Variants in PPP3CA observed in about 807,000 individuals in gnomAD.
The protein encoded by PPP3CA is protein phosphatase 3 catalytic subunit alpha.
In PPP3CA, 14 loss-of-function variants were observed where a neutral mutation model predicts 66.5. The observed-to-expected ratio is 0.21, with a 90% CI of 0.14 to 0.33. PPP3CA has a LOEUF of 0.33. Among genes scored for constraint, PPP3CA ranks in the 10% least tolerant of loss-of-function variants. The pLI is 1.00. For synonymous variants in PPP3CA, 232 were observed against 226.2 expected (o/e 1.03, Z -0.23); for missense variants, 317 against 639.5 (o/e 0.50, Z 5.44).
At chr4:101,342,356 C>T (rs1729843916) in intron 1 of PPP3CA, among the ~76,000 whole-genome samples, 1 of 152,086 alleles carries the variant, frequency 6.6e-6, no homozygotes, top group Admixed American at 6.5e-5. Flanking sequence ...TCAATTGTTG[C>T]ATTAATCATT....
chr4:101,301,780 C>T (rs1391026652), intron 1 of PPP3CA, among the ~76,000 whole-genome samples: 1 of 148,874 alleles, frequency 6.7e-6, no homozygotes, highest in Admixed American at 6.7e-5. Context: ...TGTGAACCAC[C>T]GCGTCCAGCT....
At chr4:101,180,436 A>C (rs1724198385) in intron 2 of PPP3CA, among the ~76,000 whole-genome samples, 1 of 152,156 alleles carries the variant, frequency 6.6e-6, no homozygotes, top group Non-Finnish European at 1.5e-5. Context: ...CTCTCCTTGC[A>C]GGCCATTTTT....
In PPP3CA at chr4:101,347,519, C is replaced by T. The variant is rs1175096188; in HGVS notation, c.-723G>A. The T allele has an allele frequency of 3.0e-5, 5 of 165,974 alleles. No homozygotes were observed. The highest frequency in any genetic ancestry group is 9.7e-5 in the African/African-American group (4 of 41,114). 10.3% of individuals were successfully genotyped at this position (165,974 alleles called of 1,614,324 possible). The stretch of plus-strand genomic sequence containing the variant: ...CGAGCTCGGCAGACACAGTCCCGGG[C>T]ACAACCTACCCCCCTCCGCCGCCGC... On this transcript the variant is annotated 5_prime_UTR_variant, in exon 1 of 14. Transcript: ENST00000394854.
At chr4:101,249,162 G>T (rs1029189644) in intron 1 of PPP3CA, among the ~76,000 whole-genome samples, 1 of 53,180 alleles carries the variant, frequency 1.9e-5, no homozygotes, top group Non-Finnish European at 3.4e-5. Flanking sequence ...GCGAGACTCT[G>T]TCTCAAAAAA....
intron 1 of PPP3CA, among the ~76,000 whole-genome samples, chr4:101,257,806 T>G (rs2850965): frequency 0.084 from 12,764 of 152,182 alleles, 727 homozygotes; most frequent in East Asian, 0.16. Flanking sequence ...TAGGATATAC[T>G]CAGGAACATT....
At chr4:101,222,820 C>G (rs1235163408) in intron 1 of PPP3CA, among the ~76,000 whole-genome samples, 1 of 151,532 alleles carries the variant, frequency 6.6e-6, no homozygotes, top group Non-Finnish European at 1.5e-5. Context: ...CATTTTTGCT[C>G]CAGTATATCT....
chr4:101,344,237 A>G (rs936715472), intron 1 of PPP3CA, among the ~76,000 whole-genome samples: 1 of 152,234 alleles, frequency 6.6e-6, no homozygotes, highest in African/African-American at 2.4e-5. Flanking sequence ...GCATACGCGT[A>G]CTTTCCATTC....
At chr4:101,336,398 C>A (rs1285582726) in intron 1 of PPP3CA, among the ~76,000 whole-genome samples, 2 of 151,334 alleles carry the variant, frequency 1.3e-5, no homozygotes, top group African/African-American at 4.9e-5. Flanking sequence ...TAGTGAAACC[C>A]ATCTCTACTA....
chr4:101,050,404 T>C (rs1373859294), intron 10 of PPP3CA, among the ~76,000 whole-genome samples: 1 of 152,114 alleles, frequency 6.6e-6, no homozygotes, highest in Non-Finnish European at 1.5e-5. Context: ...GTAAAGAACT[T>C]GTGCCTAGAA....
chr4:101,068,992 T>C (rs1467207497), intron 8 of PPP3CA, among the ~76,000 whole-genome samples: 2 of 152,144 alleles, frequency 1.3e-5, no homozygotes, highest in African/African-American at 2.4e-5. Context: ...GTACCTAATA[T>C]AGGGTCTTTC....
At chr4:101,148,166 T>C (rs1267880023) in intron 2 of PPP3CA, among the ~76,000 whole-genome samples, 2 of 152,160 alleles carry the variant, frequency 1.3e-5, no homozygotes, top group African/African-American at 2.4e-5. Flanking sequence ...AATCTGGTCT[T>C]ACTGAATTAA....
Position 101,040,526 on chromosome 4 carries a change from C to T in PPP3CA, c.1197G>A (p.Lys399=). The T allele has an allele frequency of 6.2e-7, 1 of 1,613,632 alleles. No homozygotes were observed. The highest frequency in any genetic ancestry group is 8.5e-7 in the Non-Finnish European group (1 of 1,179,864). ...AAARKEVIRN[K]IRAIGKMARV... is the part of the protein sequence containing the mutation. ...TGGCCATTTTGCCTATTGCTCGGAT[C>T]TTGTTCCTTATCACCTCTTTCCGGG... Residue 399 remains lysine, a synonymous_variant, in exon 11 of 14, where the codon AAG becomes AAA. Coordinates refer to ENST00000394854, the MANE Select transcript of PPP3CA (RefSeq NM_000944.5).
At chr4:101,058,457 T>C (rs34477083) in intron 10 of PPP3CA, among the ~76,000 whole-genome samples, 242 of 152,274 alleles carry the variant, frequency 1.6e-3, no homozygotes, top group Non-Finnish European at 3.0e-3. Context: ...TTCCTGACCA[T>C]CTTCCTCCCT....
At chr4:101,249,642 G>T (rs1726609139) in intron 1 of PPP3CA, among the ~76,000 whole-genome samples, 1 of 152,126 alleles carries the variant, frequency 6.6e-6, no homozygotes, top group Non-Finnish European at 1.5e-5. Context: ...ACATGGCAGA[G>T]AACTTTCAGT....
rs148151047 is a variant in PPP3CA, at chr4:101,321,045, C to T, written c.58+25694G>A. ...TGTATGTGCTTAAAGTCAAATCTAA[C>T]CCTTGCACTTTCACTTACAAGACAA... is the stretch of plus-strand genomic sequence containing the variant. On this transcript the variant is annotated intron_variant, in intron 1 of 13. Transcript: ENST00000394854. Among the ~76,000 whole-genome samples, 280 of 152,262 alleles carry T rather than the reference C, an allele frequency of 1.8e-3. 1 individual carries two copies. The highest frequency in any genetic ancestry group is 6.4e-3 in the African/African-American group (265 of 41,552).
chr4:101,062,959 T>C lies in PPP3CA; in HGVS notation c.1081+273A>G, dbSNP rs182390052. On this transcript the variant is annotated intron_variant, in intron 9 of 13. Transcript: ENST00000394854. The stretch of plus-strand genomic sequence containing the variant: ...ACCAGGTAAACCTGTATTTCCATTA[T>C]TTTTTAAAGCGTTATATTATTCTAA... Among the ~76,000 whole-genome samples the C allele has an allele frequency of 3.9e-5, 6 of 152,082 alleles. No homozygotes were observed. In the East Asian group the frequency reaches 7.7e-4, roughly 20 times the overall value.
At chr4:101,301,378 C>T (rs1015164327) in intron 1 of PPP3CA, among the ~76,000 whole-genome samples, 2 of 148,906 alleles carry the variant, frequency 1.3e-5, no homozygotes, top group Non-Finnish European at 3.0e-5. Context: ...AATTGATAAT[C>T]CTTGACACAA....
At chr4:101,054,967 A>G (rs1728166321) in intron 10 of PPP3CA, among the ~76,000 whole-genome samples, 1 of 152,034 alleles carries the variant, frequency 6.6e-6, no homozygotes, top group South Asian at 2.1e-4. Flanking sequence ...TATTCACTTT[A>G]TTATTTTTTC....
At chr4:101,346,528 A>G (rs1730001522) in intron 1 of PPP3CA, among the ~76,000 whole-genome samples, 1 of 151,494 alleles carries the variant, frequency 6.6e-6, no homozygotes, top group Admixed American at 6.6e-5. Context: ...AAAATGCCCC[A>G]AGTGAGGCTG....
Sources: allele counts gnomAD v4.1 joint callset (sites outside exome capture counted in the v4.1 genomes callset), GRCh38; gene constraint gnomAD v4.1.1; transcripts MANE v1.5; gene names NCBI Gene and HGNC (gene_info 2026-07-23, HGNC 2026-07-21).